RTL10: variants seen among roughly 807,000 people sequenced by gnomAD.
RTL10 encodes retrotransposon Gag like 10.
For synonymous variants in RTL10, 199 were observed against 188.4 expected, an observed-to-expected ratio of 1.06 and a Z score of -0.46; for missense variants, 477 against 470.7, an observed-to-expected ratio of 1.01 and a Z score of -0.12.
Position 19,849,201 on chromosome 22 carries a change from ATAGCTTCCCACCTATTTCCAAGGTT to A in RTL10, c.*1941_*1965del. On this transcript the variant is annotated 3_prime_UTR_variant, in exon 3 of 3. Transcript: ENST00000328554. Reference sequence around the variant, plus strand: ...CCAGGGCTATACCTGCTTTCTAAAAATAGCTTCCCACCTATTTCCAAGGTTTCCAGTTGTTTTACCTACAAGGTAT... The same window carrying A: ...CCAGGGCTATACCTGCTTTCTAAAAATCCAGTTGTTTTACCTACAAGGTAT... The A allele has an allele frequency of 1.0e-6, 1 of 985,434 alleles. No individual in the cohort carries two copies. Among genetic ancestry groups the A allele is most frequent in the Non-Finnish European group, 1.2e-6 (1 of 829,924 alleles). The allele number at this position is 985,434 out of a possible 1,614,324, so 61.0% of individuals were successfully genotyped here.
At position 19,847,530 on chromosome 22, in the gene RTL10, T is replaced by C. The variant is rs186496006; in HGVS notation, c.*3637A>G. The C allele has an allele frequency of 1.6e-4, 153 of 985,264 alleles. 1 individual carries two copies. The East Asian group carries it at 0.013, about 85-fold the overall frequency. 61.0% of individuals were successfully genotyped at this position (985,264 alleles called of 1,614,324 possible). On this transcript the variant is annotated 3_prime_UTR_variant, in exon 3 of 3. Coordinates refer to ENST00000328554, the MANE Select transcript of RTL10 (RefSeq NM_024627.6). The stretch of plus-strand genomic sequence containing the variant: ...AAACTCTGGTCACAGCTCAAAAAGG[T>C]CAGGTAAGGACCCTCAGCTCATGCG...
chr22:19,854,161 A>G (rs756072608), intron 2 of RTL10, among the ~76,000 whole-genome samples: 1 of 151,952 alleles, frequency 6.6e-6, no homozygotes, highest in Non-Finnish European at 1.5e-5. Flanking sequence ...TTCTCCCCAC[A>G]CTGCCTGGCA....
chr22:19,853,721 G>GT (rs1042073635), intron 2 of RTL10, among the ~76,000 whole-genome samples: 4 of 151,956 alleles, frequency 2.6e-5, no homozygotes, highest in African/African-American at 9.7e-5. Flanking sequence ...CCCCCTCTGG[G>GT]GGGGGGGTCT....
chr22:19,847,047 T>G lies in RTL10; in HGVS notation c.*4120A>C, dbSNP rs544633079. On this transcript the variant is annotated 3_prime_UTR_variant, in exon 3 of 3. Transcript: ENST00000328554. Reference sequence around the variant, plus strand: ...CACCCCAGCCCATAGGATGATCAGCTGCTGCCGTCCTATGGAACTCAGGTG... The same window carrying G: ...CACCCCAGCCCATAGGATGATCAGCGGCTGCCGTCCTATGGAACTCAGGTG... The G allele has an allele frequency of 1.0e-6, 1 of 985,484 alleles. No homozygotes were observed. The highest frequency in any genetic ancestry group is 1.7e-5 in the African/African-American group (1 of 57,378). 61.0% of individuals were successfully genotyped at this position (985,484 alleles called of 1,614,324 possible). A position where few individuals can be genotyped will look rare whatever the true frequency, so the allele number is the denominator to read the frequency against.
At chr22:19,853,512 C>T (rs1938159512) in intron 2 of RTL10, among the ~76,000 whole-genome samples, 1 of 152,288 alleles carries the variant, frequency 6.6e-6, no homozygotes, top group South Asian at 2.1e-4. Context: ...TCTGCTTCAC[C>T]CCACACACAA....
chr22:19,851,331 C>A lies in RTL10; in HGVS notation c.931G>T (p.Ala311Ser), dbSNP rs1277576235. 1 of 1,614,130 alleles carries A rather than the reference C, an allele frequency of 6.2e-7. No individual in the cohort carries two copies. Among genetic ancestry groups the A allele is most frequent in the Non-Finnish European group, 8.5e-7 (1 of 1,180,016 alleles). ...PRLSESANPPAQRPDPAHPGG... is the reference protein window; with the variant it reads ...PRLSESANPPSQRPDPAHPGG... ...GGATGAGCTGGGTCTGGTCTCTGGG[C>A]AGGAGGATTAGCTGACTCCGACAGT... The change falls in exon 3 of 3, where the codon GCC becomes TCC. Residue 311 changes from alanine (A) to serine (S), a missense_variant. By Grantham distance (99) the Ala-to-Ser change is moderately conservative (BLOSUM62 1). Coordinates refer to ENST00000328554, the MANE Select transcript of RTL10 (RefSeq NM_024627.6).
rs143337064 is a variant in RTL10 at position 19,851,782 on chromosome 22, C to T, written c.480G>A (p.Gly160=). ...AQAWAAPYLD[G]DLPLPDDYEL... ...CGTAATCGTCAGGCAGGGGCAGGTC[C>T]CCATCAAGGTAGGGGGCTGCCCAGG... The change falls in exon 3 of 3, where the codon GGG becomes GGA. Residue 160 remains glycine (G), a synonymous_variant. Transcript: ENST00000328554. 8.9e-4 allele frequency: 1,439 copies of T among 1,613,542 alleles called. 4 individuals are homozygous for T. Among genetic ancestry groups the T allele is most frequent in the Non-Finnish European group, 1.1e-3 (1,333 of 1,179,600 alleles).
chr22:19,853,592 T>TC (rs1938162140), intron 2 of RTL10, among the ~76,000 whole-genome samples: 1 of 151,900 alleles, frequency 6.6e-6, no homozygotes, highest in Non-Finnish European at 1.5e-5. Context: ...CTGCTGGCCA[T>TC]CCCCCCTCAG....
chr22:19,850,353 A>T lies in RTL10; in HGVS notation c.*814T>A. ...GCCAGGAGGGAGATCCAAGTCATTT[A>T]CACACTAGGGCTTAAGTGCTGAATC... is the stretch of plus-strand genomic sequence containing the variant. On this transcript the variant is annotated 3_prime_UTR_variant, in exon 3 of 3. Coordinates refer to ENST00000328554, the MANE Select transcript of RTL10 (RefSeq NM_024627.6). 1.0e-6 allele frequency: 1 copy of T among 986,110 alleles called. No individual in the cohort carries two copies. The highest frequency in any genetic ancestry group is 1.2e-6 in the Non-Finnish European group (1 of 830,360). 61.1% of individuals were successfully genotyped at this position (986,110 alleles called of 1,614,324 possible).
At position 19,850,753 on chromosome 22, in the gene RTL10, A is replaced by G. The variant is rs1938075146; in HGVS notation, c.*414T>C. 8.0e-7 allele frequency: 1 copy of G among 1,245,434 alleles called. No homozygotes were observed. The highest frequency in any genetic ancestry group is 1.5e-5 in the African/African-American group (1 of 64,874). 77.1% of individuals were successfully genotyped at this position (1,245,434 alleles called of 1,614,324 possible). On this transcript the variant is annotated 3_prime_UTR_variant, in exon 3 of 3. Transcript: ENST00000328554. ...AAACCCCATACAGGAACGAGGTCCC[A>G]ACAGGGCAGACGTGGCAGACCCAGT...
In RTL10 at chr22:19,851,468, G is replaced by C; in HGVS notation, c.794C>G (p.Pro265Arg). Residue 265 changes from proline (P) to arginine (R), a missense_variant, in exon 3 of 3, where the codon CCT becomes CGT. By Grantham distance (103) the Pro-to-Arg change is moderately radical. Transcript: ENST00000328554. ...CAGGACTGGGGGCTCCTTGGGCCCA[G>C]GGGTGCTCTCCTTGGTCAGCTGCTG... ...FEQQLTKEST[P>R]GPKEPPVLPS... 1 of 1,614,136 alleles carries C rather than the reference G, an allele frequency of 6.2e-7. No homozygotes were observed. The highest frequency in any genetic ancestry group is 8.5e-7 in the Non-Finnish European group (1 of 1,180,028).
Position 19,851,462 on chromosome 22 carries a change from G to C in RTL10, c.800C>G (p.Pro267Arg). 6.2e-7 allele frequency: 1 copy of C among 1,614,084 alleles called. No individual in the cohort carries two copies. The highest frequency in any genetic ancestry group is 8.5e-7 in the Non-Finnish European group (1 of 1,180,014). Reference protein sequence around the residue: ...QQLTKESTPGPKEPPVLPSST... With the variant: ...QQLTKESTPGRKEPPVLPSST... Reference sequence around the variant, plus strand: ...ACTGGGCAGGACTGGGGGCTCCTTGGGCCCAGGGGTGCTCTCCTTGGTCAG... The same window carrying C: ...ACTGGGCAGGACTGGGGGCTCCTTGCGCCCAGGGGTGCTCTCCTTGGTCAG... Residue 267 changes from proline to arginine, a missense_variant, in exon 3 of 3, where the codon CCC (proline) becomes CGC (arginine). Pro to Arg is a moderately radical substitution (Grantham distance 103, BLOSUM62 -2). Transcript: ENST00000328554.
Position 19,850,368 on chromosome 22 carries a change from A to G in RTL10, c.*799T>C. The G allele has an allele frequency of 1.0e-6, 1 of 986,774 alleles. No individual in the cohort carries two copies. The highest frequency in any genetic ancestry group is 1.2e-6 in the Non-Finnish European group (1 of 830,830). The allele number at this position is 986,774 out of a possible 1,614,324, so 61.1% of individuals were successfully genotyped here. Reference sequence around the variant, plus strand: ...CAAGTCATTTACACACTAGGGCTTAAGTGCTGAATCCGCAATGCATGCGAG... The same window carrying G: ...CAAGTCATTTACACACTAGGGCTTAGGTGCTGAATCCGCAATGCATGCGAG... On this transcript the variant is annotated 3_prime_UTR_variant, in exon 3 of 3. Transcript: ENST00000328554.
chr22:19,847,921 C>T lies in RTL10; in HGVS notation c.*3246G>A. 2.0e-6 allele frequency: 2 copies of T among 984,274 alleles called. No homozygotes were observed. Among genetic ancestry groups the T allele is most frequent in the Non-Finnish European group, 2.4e-6 (2 of 829,478 alleles). 61.0% of individuals were successfully genotyped at this position (984,274 alleles called of 1,614,324 possible). A position where few individuals can be genotyped will look rare whatever the true frequency, so the allele number is the denominator to read the frequency against. On this transcript the variant is annotated 3_prime_UTR_variant, in exon 3 of 3. Transcript: ENST00000328554. ...CATAAAGAGTGAGGCACATACATGG[C>T]TTTACTATTTTCCAGAGGGCCAACT...
chr22:19,853,431 G>T (rs1938157393), intron 2 of RTL10, among the ~76,000 whole-genome samples: 2 of 152,178 alleles, frequency 1.3e-5, no homozygotes, highest in Non-Finnish European at 2.9e-5. Flanking sequence ...ACACTCTGCA[G>T]CCTAACTCTA....
chr22:19,847,133 C>A lies in RTL10; in HGVS notation c.*4034G>T. ...GTGGGGTGACACACATTACTTGTGG[C>A]CTGCTGTGGCCTTTCCCCTGCCTCA... On this transcript the variant is annotated 3_prime_UTR_variant, in exon 3 of 3. Transcript: ENST00000328554. 1.0e-6 allele frequency: 1 copy of A among 985,420 alleles called. No individual in the cohort carries two copies. The highest frequency in any genetic ancestry group is 1.2e-6 in the Non-Finnish European group (1 of 829,938). 61.0% of individuals were successfully genotyped at this position (985,420 alleles called of 1,614,324 possible).
Position 19,848,695 on chromosome 22 carries a change from T to C in RTL10, c.*2472A>G, listed in dbSNP as rs1938023390. The C allele has an allele frequency of 2.0e-6, 2 of 985,488 alleles. No homozygotes were observed. The highest frequency in any genetic ancestry group is 1.7e-5 in the African/African-American group (1 of 57,360). 61.0% of individuals were successfully genotyped at this position (985,488 alleles called of 1,614,324 possible). On this transcript the variant is annotated 3_prime_UTR_variant, in exon 3 of 3. Coordinates refer to ENST00000328554, the MANE Select transcript of RTL10 (RefSeq NM_024627.6). ...CAAGCCTGCCTAGGTGGATGCTGCATGACTGGCCCTCAGACACACGGCAGA... is the reference window on the plus strand; with the variant it reads ...CAAGCCTGCCTAGGTGGATGCTGCACGACTGGCCCTCAGACACACGGCAGA...
chr22:19,850,861 G>A lies in RTL10; in HGVS notation c.*306C>T, dbSNP rs1208541122. ...CAAAGATGATGCAACTATCTGCTGA[G>A]AGTTGATCTACAAAACGACCCCCTC... On this transcript the variant is annotated 3_prime_UTR_variant, in exon 3 of 3. Transcript: ENST00000328554. 7.5e-7 allele frequency: 1 copy of A among 1,330,466 alleles called. No homozygotes were observed. The highest frequency in any genetic ancestry group is 9.6e-7 in the Non-Finnish European group (1 of 1,045,134). The allele number at this position is 1,330,466 out of a possible 1,614,324, so 82.4% of individuals were successfully genotyped here.
intron 2 of RTL10, among the ~76,000 whole-genome samples, chr22:19,853,783 A>ATAC (rs1162695669): frequency 1.3e-5 from 2 of 152,090 alleles, no homozygotes; most frequent in East Asian, 3.9e-4. Flanking sequence ...CTGCAGGATT[A>ATAC]TACTAAGGCC....
Sources: gnomAD v4.1 joint callset for allele counts (sites outside exome capture counted in the v4.1 genomes callset) on GRCh38, gnomAD v4.1.1 for gene constraint, MANE v1.5 for transcripts, NCBI Gene and HGNC (gene_info 2026-07-23, HGNC 2026-07-21) for gene names.